Variants in CC2D2A observed in about 807,000 individuals in gnomAD.
The protein encoded by CC2D2A is coiled-coil and C2 domain-containing protein 2A.
Under a neutral mutation model 212.9 loss-of-function variants are expected in CC2D2A, and 155 were observed. The observed-to-expected ratio is 0.73, with a 90% CI of 0.64 to 0.83. CC2D2A has a LOEUF of 0.83. Among genes scored for constraint, CC2D2A ranks in the 40% least tolerant of loss-of-function variants. CC2D2A has a pLI of 0.00. For missense variants in CC2D2A, 1,856 were observed against 1,956.2 expected, an observed-to-expected ratio of 0.95 and a Z score of 0.97; for synonymous variants, 667 against 686.5, an observed-to-expected ratio of 0.97 and a Z score of 0.44.
At position 15,597,410 on chromosome 4, in the gene CC2D2A, G is replaced by A. The variant is rs1349528471; in HGVS notation, c.4441G>A (p.Glu1481Lys). The change falls in exon 35 of 37, where the codon GAA (glutamate) becomes AAA (lysine). Residue 1481 changes from glutamate (E) to lysine (K), a missense_variant. By Grantham distance (56) the Glu-to-Lys change is moderately conservative. Coordinates refer to ENST00000424120, the MANE Select transcript of CC2D2A (RefSeq NM_001378615.1). ...TGAACTATTTTCTCTTCTATAGCCT[G>A]AAGAGCTAATTTACCAGCGCTCAGA... is the stretch of plus-strand genomic sequence containing the variant. The part of the protein sequence containing the change: ...PYPGLSSVQP[E>K]ELIYQRSDKA... 6.4e-7 allele frequency: 1 copy of A among 1,551,184 alleles called. No homozygotes were observed. The highest frequency in any genetic ancestry group is 2.4e-5 in the East Asian group (1 of 41,064).
chr4:15,472,789 AT>A (rs1432294428), intron 1 of CC2D2A, among the ~76,000 whole-genome samples: 3 of 151,738 alleles, frequency 2.0e-5, no homozygotes, highest in African/African-American at 7.3e-5. Flanking sequence ...CTGCTTTTAC[AT>A]TTTCCTTCCT....
At chr4:15,502,728 C>T in intron 5 of CC2D2A, 94 bp from the exon 6 acceptor site, 1 of 1,183,002 alleles carries the variant, frequency 8.5e-7, no homozygotes, top group Non-Finnish European at 1.2e-6. Context: ...TTTCCTTGCT[C>T]TTCCCCTTAA....
At position 15,533,312 on chromosome 4, in the gene CC2D2A, C is replaced by A; in HGVS notation, c.1586C>A (p.Pro529His). ...GAGTTCCAGAGATTTACAAATACTC[C>A]CTTGAAACTTGTTTTGAGAAAGTAG... is the stretch of plus-strand genomic sequence containing the variant. ...LREFQRFTNTPLKLVLRKEKA... is the reference protein window; with the variant it reads ...LREFQRFTNTHLKLVLRKEKA... Residue 529 changes from proline to histidine, a missense_variant, in exon 14 of 37, where the codon CCC (proline) becomes CAC (histidine). Physicochemically the swap from Pro to His is moderately conservative, Grantham distance 77. This residue lies in a region of CC2D2A where 1,512 missense variants were observed against 1,579.3 expected (regional missense o/e 0.96). Coordinates refer to ENST00000424120, the MANE Select transcript of CC2D2A (RefSeq NM_001378615.1). 6.4e-7 allele frequency: 1 copy of A among 1,568,610 alleles called. No individual in the cohort carries two copies. The highest frequency in any genetic ancestry group is 8.6e-7 in the Non-Finnish European group (1 of 1,159,010).
chr4:15,592,983 A>G (rs1185721163), intron 33 of CC2D2A, among the ~76,000 whole-genome samples: 1 of 152,222 alleles, frequency 6.6e-6, no homozygotes, highest in African/African-American at 2.4e-5. Flanking sequence ...AATCCTAATT[A>G]TAGAGGCCAA....
chr4:15,560,439 T>G, intron 22 of CC2D2A, 92 bp from the exon 23 acceptor site: 5 of 645,552 alleles, frequency 7.7e-6, no homozygotes, highest in Non-Finnish European at 8.2e-6. Flanking sequence ...GGGGGGACAC[T>G]GAGATGACAT....
At chr4:15,555,456 C>T (rs900766813) in intron 20 of CC2D2A, among the ~76,000 whole-genome samples, 3 of 152,032 alleles carry the variant, frequency 2.0e-5, no homozygotes, top group Non-Finnish European at 2.9e-5. Context: ...ACTCTTAGCT[C>T]GGCCGGGCAT....
intron 27 of CC2D2A, 150 bp from the exon 28 acceptor site, chr4:15,570,248 C>T (rs1162177145): frequency 4.1e-6 from 2 of 486,688 alleles, no homozygotes; most frequent in Non-Finnish European, 7.4e-6. Flanking sequence ...GGCCACAAAG[C>T]CATTATGTAT....
chr4:15,601,414 C>A lies in CC2D2A; in HGVS notation c.4852C>A (p.Arg1618Ser), dbSNP rs201219078. 6.7e-7 allele frequency: 1 copy of A among 1,482,572 alleles called. No homozygotes were observed. The highest frequency in any genetic ancestry group is 9.0e-7 in the Non-Finnish European group (1 of 1,111,706). The allele number at this position is 1,482,572 out of a possible 1,614,324, so 91.8% of individuals were successfully genotyped here. A position where few individuals can be genotyped will look rare whatever the true frequency, so the allele number is the denominator to read the frequency against. The change falls in exon 37 of 37, where the codon CGC (arginine) becomes AGC (serine). Residue 1618 changes from arginine (R) to serine (S), a missense_variant. Physicochemically the swap from Arg to Ser is moderately radical, Grantham distance 110 (BLOSUM62 -1). Coordinates refer to ENST00000424120, the MANE Select transcript of CC2D2A (RefSeq NM_001378615.1). ...TTGGATCTATGTTGCCTCTCTTATA[C>A]GCAACAGGTAATTTTTTTCACTGTA... is the stretch of plus-strand genomic sequence containing the variant. ...SVWIYVASLI[R>S]NR
chr4:15,582,576 A>G (rs879829801), intron 30 of CC2D2A, among the ~76,000 whole-genome samples: 2 of 152,150 alleles, frequency 1.3e-5, no homozygotes, highest in Non-Finnish European at 2.9e-5. Flanking sequence ...AACAATTATG[A>G]ACCAAATTAT....
intron 13 of CC2D2A, among the ~76,000 whole-genome samples, chr4:15,531,879 A>G (rs1031950942): frequency 6.6e-6 from 1 of 152,242 alleles, no homozygotes; most frequent in African/African-American, 2.4e-5. Flanking sequence ...AGCAGGGGTG[A>G]TAACAGCTAA....
intron 27 of CC2D2A, among the ~76,000 whole-genome samples, chr4:15,569,765 TTATTA>T (rs1191015009): frequency 1.3e-5 from 2 of 152,080 alleles, no homozygotes; most frequent in Non-Finnish European, 2.9e-5. Flanking sequence ...AAGAATCTAT[TTATTA>T]TATTTAAAGC....
intron 4 of CC2D2A, chr4:15,481,752 T>C (rs1300204684): frequency 1.0e-6 from 1 of 977,192 alleles, no homozygotes; most frequent in Non-Finnish European, 1.2e-6. Context: ...CAATGCAAAA[T>C]GGACTAACAA....
Position 15,554,696 on chromosome 4 carries a change from T to G in CC2D2A, c.2487-376T>G, listed in dbSNP as rs1387034871. 2.6e-5 allele frequency among the ~76,000 whole-genome samples: 4 copies of G among 152,198 alleles called. No individual in the cohort carries two copies. In the East Asian group the frequency reaches 7.7e-4, roughly 29 times the overall value. ...CTCAAAAAAAAGAGTTGGTTTTGTT[T>G]CTTTTTCTTTTGGTTTGTCCTCAGC... On this transcript the variant is annotated intron_variant, in intron 19 of 36. Transcript: ENST00000424120.
intron 14 of CC2D2A, among the ~76,000 whole-genome samples, chr4:15,535,833 C>T (rs1365135141): frequency 1.3e-5 from 2 of 152,108 alleles, no homozygotes; most frequent in Admixed American, 6.6e-5. Context: ...AGCTTAACTG[C>T]CTTGGGGGAA....
At chr4:15,564,034 C>T (rs1404498275) in intron 24 of CC2D2A, 1 of 157,508 alleles carries the variant, frequency 6.3e-6, no homozygotes, top group Non-Finnish European at 1.4e-5. Context: ...TGGGTATGAG[C>T]TGGGGAGAGT....
intron 6 of CC2D2A, among the ~76,000 whole-genome samples, chr4:15,506,383 T>C (rs1716256508): frequency 6.6e-6 from 1 of 152,230 alleles, no homozygotes; most frequent in South Asian, 2.1e-4. Flanking sequence ...GCATATTTTC[T>C]ATACCAACCC....
chr4:15,570,124 C>G (rs1194770311), intron 27 of CC2D2A, among the ~76,000 whole-genome samples: 1 of 152,164 alleles, frequency 6.6e-6, no homozygotes, highest in Non-Finnish European at 1.5e-5. Flanking sequence ...AGGAATTGTA[C>G]TAGGTGCTTT....
intron 21 of CC2D2A, among the ~76,000 whole-genome samples, chr4:15,558,288 T>C (rs1719390349): frequency 6.6e-6 from 1 of 152,110 alleles, no homozygotes; most frequent in African/African-American, 2.4e-5. Flanking sequence ...AAGAATATGG[T>C]TGGTTATTTG....
Position 15,502,828 on chromosome 4 carries a change from G to A in CC2D2A, c.343G>A (p.Ala115Thr). 6.2e-7 allele frequency: 1 copy of A among 1,609,098 alleles called. No homozygotes were observed. Among genetic ancestry groups the A allele is most frequent in the Non-Finnish European group, 8.5e-7 (1 of 1,177,820 alleles). ...TTTCTGTTTGACTTTTTAGTCCAAAGCAGAAAGTGCATTGCTGCAGGAAAT... is the reference window on the plus strand; with the variant it reads ...TTTCTGTTTGACTTTTTAGTCCAAAACAGAAAGTGCATTGCTGCAGGAAAT... The part of the protein sequence containing the change: ...REKLQAARSK[A>T]ESALLQEIPT... The change falls in exon 6 of 37, where the codon GCA becomes ACA. Residue 115 changes from alanine (A) to threonine (T), a missense_variant. This residue lies in a region of CC2D2A where 1,512 missense variants were observed against 1,579.3 expected (regional missense o/e 0.96). Transcript: ENST00000424120.
Sources: allele counts gnomAD v4.1 joint callset (sites outside exome capture counted in the v4.1 genomes callset), GRCh38; gene constraint gnomAD v4.1.1; regional missense constraint gnomAD v4.1.1; transcripts MANE v1.5; gene names NCBI Gene and HGNC (gene_info 2026-07-23, HGNC 2026-07-21).